The following IQSEC1 variants were observed in gnomAD, a reference collection of about 807,000 sequenced individuals.
IQSEC1 encodes the protein IQ motif and SEC7 domain-containing protein 1.
Under a neutral mutation model 91.0 loss-of-function variants are expected in IQSEC1, and 31 were observed. That is an observed-to-expected ratio of 0.34 (90% CI 0.26 to 0.46). The LOEUF is 0.46. Among genes scored for constraint, IQSEC1 ranks in the 20% least tolerant of loss-of-function variants. The pLI, the probability that IQSEC1 is intolerant of heterozygous loss-of-function variation, is 1.00. For missense variants in IQSEC1, 1,388 were observed against 1,575.6 expected (o/e 0.88, Z 2.02); for synonymous variants, 699 against 662.6 (o/e 1.05, Z -0.84).
intron 1 of IQSEC1, among the ~76,000 whole-genome samples, chr3:13,164,695 G>A (rs906767730): frequency 6.6e-6 from 1 of 152,188 alleles, no homozygotes; most frequent in Admixed American, 6.5e-5. Flanking sequence ...TTGCGCACTT[G>A]AACTTTCACG....
At chr3:13,239,076 C>T (rs371899618) in intron 1 of IQSEC1, among the ~76,000 whole-genome samples, 2 of 152,342 alleles carry the variant, frequency 1.3e-5, no homozygotes, top group East Asian at 3.9e-4. Flanking sequence ...GTGAATCTCC[C>T]CTGCTGGGGT....
chr3:13,172,136 C>A (rs1013049786), intron 1 of IQSEC1, among the ~76,000 whole-genome samples: 3 of 152,208 alleles, frequency 2.0e-5, no homozygotes, highest in African/African-American at 7.2e-5. Flanking sequence ...GCTTTCCTGT[C>A]CAAATAGCAT....
chr3:12,908,266 G>A lies in IQSEC1; in HGVS notation c.2755+83C>T, dbSNP rs145305545. ...GGCTTCGCCGCAGGCCCTGCCCCGCGTGATGCATGCCCTGAATGCAGACGC... is the reference window on the plus strand; with the variant it reads ...GGCTTCGCCGCAGGCCCTGCCCCGCATGATGCATGCCCTGAATGCAGACGC... On this transcript the variant is annotated intron_variant, in intron 12 of 13. Coordinates refer to ENST00000613206, the MANE Select transcript of IQSEC1 (RefSeq NM_001134382.3). The surrounding 1 kb of genome is among the most constrained non-coding windows in gnomAD (Gnocchi z 4.9). The A allele has an allele frequency of 4.2e-4, 609 of 1,453,210 alleles. 5 individuals are homozygous for A. In the African/African-American group the frequency reaches 7.2e-3, roughly 17 times the overall value. The allele number at this position is 1,453,210 out of a possible 1,614,324, so 90.0% of individuals were successfully genotyped here.
chr3:13,186,154 A>G (rs948707276), intron 1 of IQSEC1, among the ~76,000 whole-genome samples: 1 of 152,172 alleles, frequency 6.6e-6, no homozygotes, highest in Non-Finnish European at 1.5e-5. Flanking sequence ...GTCTATATCT[A>G]TTACCCAACA....
rs1559265507 is a variant in IQSEC1, at chr3:13,154,456, T to TACACACACATAC, written c.302+9647_302+9648insGTATGTGTGTGT. ...TTACATGCATATATATATATATATATATATATATATATATATATATGCAAA... is the reference window on the plus strand; with the variant it reads ...TTACATGCATATATATATATATATATACACACACATACATATATATATATATATATATGCAAA... On this transcript the variant is annotated intron_variant, in intron 2 of 15. Coordinates refer to the IQSEC1 transcript ENST00000648114. Among the ~76,000 whole-genome samples the TACACACACATAC allele has an allele frequency of 4.6e-4, 24 of 52,516 alleles. 5 individuals are homozygous for TACACACACATAC. The highest frequency in any genetic ancestry group is 1.5e-3 in the African/African-American group (16 of 10,726). The allele number at this position is 52,516 out of a possible 152,430, so 34.5% of individuals were successfully genotyped here.
chr3:12,973,486 C>A (rs973706729), intron 1 of IQSEC1, among the ~76,000 whole-genome samples: 1 of 152,178 alleles, frequency 6.6e-6, no homozygotes, highest in South Asian at 2.1e-4. Flanking sequence ...GCGCTCCATG[C>A]ACCTTCCTGG....
At chr3:13,132,695 T>G (rs572683896) in intron 2 of IQSEC1, among the ~76,000 whole-genome samples, 90 of 152,346 alleles carry the variant, frequency 5.9e-4, no homozygotes, top group African/African-American at 2.1e-3. Flanking sequence ...AGGGATTCAT[T>G]GTCTGATGTC....
At chr3:13,040,044 A>G (rs9883920) in intron 1 of IQSEC1, among the ~76,000 whole-genome samples, 53,716 of 152,168 alleles carry the variant, frequency 0.35, 10,914 homozygotes, top group African/African-American at 0.57. Flanking sequence ...GAAGCCTCAC[A>G]TGTAGCAGAC....
At position 13,111,798 on chromosome 3, in the gene IQSEC1, C is replaced by T. The variant is rs955657412; in HGVS notation, c.302+52306G>A. On this transcript the variant is annotated intron_variant, in intron 2 of 15. Coordinates refer to the IQSEC1 transcript ENST00000648114. The stretch of plus-strand genomic sequence containing the variant: ...GTCTGTGAACCAGGAAAAAGGCACT[C>T]GCCAGGAACCCAATCCACCAGCAAC... Among the ~76,000 whole-genome samples, 11 of 152,284 alleles carry T rather than the reference C, an allele frequency of 7.2e-5. 1 individual carries two copies. In the South Asian group the frequency reaches 1.7e-3, roughly 23 times the overall value.
intron 2 of IQSEC1, among the ~76,000 whole-genome samples, chr3:13,111,479 G>A (rs1342549238): frequency 6.6e-6 from 1 of 152,222 alleles, no homozygotes; most frequent in Admixed American, 6.5e-5. Context: ...CCCTCCAAGA[G>A]TCTGTACCTG....
chr3:13,206,710 G>A lies in IQSEC1; in HGVS notation c.273-42577C>T, dbSNP rs962928011. Among the ~76,000 whole-genome samples the A allele has an allele frequency of 3.2e-4, 48 of 152,176 alleles. 1 individual carries two copies. Among genetic ancestry groups the A allele is most frequent in the African/African-American group, 1.2e-3 (48 of 41,426 alleles). On this transcript the variant is annotated intron_variant, in intron 1 of 15. Transcript: ENST00000648114. ...TGTAAGATGGACAGCAGTCACCTGT[G>A]GGAAAGGAGGCAGGTGGGATGGTGA...
chr3:13,088,735 G>A (rs1485493234), intron 2 of IQSEC1, among the ~76,000 whole-genome samples: 1 of 152,154 alleles, frequency 6.6e-6, no homozygotes, highest in Non-Finnish European at 1.5e-5. Context: ...TCCTAACTCT[G>A]CCTCGGGCAC....
At position 13,173,687 on chromosome 3, in the gene IQSEC1, C is replaced by T. The variant is rs116891432; in HGVS notation, c.273-9554G>A. On this transcript the variant is annotated intron_variant, in intron 1 of 15. Transcript: ENST00000648114. ...TCTTCATGTTAAGTGCTGCTGGCAA[C>T]AAAAGTAGGTAGGTCTGGGCCTTGG... is the stretch of plus-strand genomic sequence containing the variant. Among the ~76,000 whole-genome samples the T allele has an allele frequency of 4.9e-4, 74 of 152,338 alleles. 1 individual carries two copies. The East Asian group carries it at 5.0e-3, about 10-fold the overall frequency.
At chr3:12,964,674 C>T (rs181642751) in intron 1 of IQSEC1, among the ~76,000 whole-genome samples, 2 of 152,314 alleles carry the variant, frequency 1.3e-5, no homozygotes, top group East Asian at 3.9e-4. Flanking sequence ...CATACACTCA[C>T]GAAACTGAGC....
At chr3:13,126,390 C>T (rs1369414406) in intron 2 of IQSEC1, among the ~76,000 whole-genome samples, 6 of 152,226 alleles carry the variant, frequency 3.9e-5, no homozygotes, top group African/African-American at 9.6e-5. Flanking sequence ...TTCCACTGTA[C>T]GGATGTCCTA....
Position 12,946,748 on chromosome 3 carries a change from G to A in IQSEC1, c.24-4883C>T, listed in dbSNP as rs184740700. Among the ~76,000 whole-genome samples the A allele has an allele frequency of 6.2e-4, 94 of 152,260 alleles. 1 individual carries two copies. The highest frequency in any genetic ancestry group is 1.2e-3 in the Non-Finnish European group (85 of 68,022). Reference sequence around the variant, plus strand: ...GCTGATGTCATGATGTGGCCGAGAAGCCAGTCACCAACATGAATAAAAAGC... The same window carrying A: ...GCTGATGTCATGATGTGGCCGAGAAACCAGTCACCAACATGAATAAAAAGC... On this transcript the variant is annotated intron_variant, in intron 1 of 13. Coordinates refer to ENST00000613206, the MANE Select transcript of IQSEC1 (RefSeq NM_001134382.3).
At position 12,940,194 on chromosome 3, in the gene IQSEC1, G is replaced by A. The variant is rs1381949858; in HGVS notation, c.318+1377C>T. Among the ~76,000 whole-genome samples the A allele has an allele frequency of 2.0e-5, 3 of 151,996 alleles. No homozygotes were observed. Among genetic ancestry groups the A allele is most frequent in the Non-Finnish European group, 4.4e-5 (3 of 68,024 alleles). ...ACAGAGGTTGCTCTGCCCTGTGTCG[G>A]TCCGGCCTAAGTTGCAAGGCAGCAC... On this transcript the variant is annotated intron_variant, in intron 2 of 13. Transcript: ENST00000613206. The surrounding 1 kb of genome is among the most constrained non-coding windows in gnomAD (Gnocchi z 4.4).
intron 2 of IQSEC1, among the ~76,000 whole-genome samples, chr3:13,140,569 T>C (rs1373571692): frequency 1.3e-5 from 2 of 152,186 alleles, no homozygotes; most frequent in African/African-American, 4.8e-5. Flanking sequence ...CAAGAGGGAT[T>C]CCCATGGAGA....
Position 13,259,533 on chromosome 3 carries a change from C to T in IQSEC1, c.272+23178G>A, listed in dbSNP as rs1008525111. On this transcript the variant is annotated intron_variant, in intron 1 of 15. Transcript: ENST00000648114. The surrounding 1 kb of genome is among the most constrained non-coding windows in gnomAD (Gnocchi z 4.6). ...CGAATCAGGGAAATACAGCCGACTC[C>T]CCAAGGCCTTCGAGGCGGGCTGATG... is the stretch of plus-strand genomic sequence containing the variant. Among the ~76,000 whole-genome samples, 3 of 152,224 alleles carry T rather than the reference C, an allele frequency of 2.0e-5. No homozygotes were observed. Among genetic ancestry groups the T allele is most frequent in the African/African-American group, 7.2e-5 (3 of 41,454 alleles).
Sources: gnomAD v4.1 joint callset for allele counts (sites outside exome capture counted in the v4.1 genomes callset) on GRCh38, gnomAD v4.1.1 for gene constraint, Gnocchi (gnomAD v3.1) non-coding constraint, MANE v1.5 for transcripts, NCBI Gene and HGNC (gene_info 2026-07-23, HGNC 2026-07-21) for gene names.